RALYL: variants seen among roughly 807,000 people sequenced by gnomAD.
RALYL encodes the protein RNA-binding Raly-like protein.
Under a neutral mutation model 35.1 loss-of-function variants are expected in RALYL, and 29 were observed. That is an observed-to-expected ratio of 0.83 (90% CI 0.61 to 1.13). The LOEUF (loss-of-function observed/expected upper bound fraction) is 1.13. RALYL is among the 50% of genes most tolerant of loss of function. RALYL has a pLI of 0.00. For missense variants in RALYL, 359 were observed against 360.4 expected (o/e 1.00, Z 0.03); for synonymous variants, 120 against 127.6 (o/e 0.94, Z 0.40).
At chr8:84,217,528 A>G (rs959253412) in intron 1 of RALYL, among the ~76,000 whole-genome samples, 1 of 152,096 alleles carries the variant, frequency 6.6e-6, no homozygotes, top group African/African-American at 2.4e-5. Flanking sequence ...TGTATTTAAC[A>G]CTACAAGGTT....
At chr8:84,484,285 G>A (rs966414356) in intron 1 of RALYL, among the ~76,000 whole-genome samples, 2 of 152,030 alleles carry the variant, frequency 1.3e-5, no homozygotes, top group Non-Finnish European at 2.9e-5. Context: ...ACAGCAAGAA[G>A]GACAAACCAG....
At chr8:84,221,989 T>C (rs1225894570) in intron 1 of RALYL, among the ~76,000 whole-genome samples, 10 of 152,206 alleles carry the variant, frequency 6.6e-5, no homozygotes, top group Admixed American at 2.0e-4. Flanking sequence ...GTGTTTAGGC[T>C]TAGTATGACT....
intron 4 of RALYL, chr8:84,829,600 A>C (rs12550044): frequency 0.39 from 59,906 of 151,836 alleles, 12,285 homozygotes; most frequent in East Asian, 0.63. Flanking sequence ...TTTTGAAGGA[A>C]GATTATTTCC....
chr8:84,763,007 T>A (rs922185829), intron 2 of RALYL, among the ~76,000 whole-genome samples: 4 of 152,200 alleles, frequency 2.6e-5, no homozygotes, highest in African/African-American at 9.6e-5. Flanking sequence ...GGAAAAGATT[T>A]AAGCTAAATG....
chr8:84,288,893 A>G (rs1291154659), intron 1 of RALYL, among the ~76,000 whole-genome samples: 1 of 152,190 alleles, frequency 6.6e-6, no homozygotes, highest in African/African-American at 2.4e-5. Flanking sequence ...GTAGAAGTAC[A>G]TATTGCACTG....
At position 84,200,395 on chromosome 8, in the gene RALYL, T is replaced by C. The variant is rs1022732985; in HGVS notation, c.-24+15971T>C. Among the ~76,000 whole-genome samples, 10 of 152,134 alleles carry C rather than the reference T, an allele frequency of 6.6e-5. No individual in the cohort carries two copies. The East Asian group carries it at 1.9e-3, about 29-fold the overall frequency. ...TAAAATAGAGTTTCACAAATGTAAA[T>C]TAAAAAGTAATTTTAAGATAGAAGT... On this transcript the variant is annotated intron_variant, in intron 1 of 8. Transcript: ENST00000521268.
chr8:84,417,998 C>T (rs1032216315), intron 1 of RALYL, among the ~76,000 whole-genome samples: 4 of 152,170 alleles, frequency 2.6e-5, no homozygotes, highest in African/African-American at 9.7e-5. Flanking sequence ...AGTTGCCCAA[C>T]AGGAGATGAT....
intron 1 of RALYL, among the ~76,000 whole-genome samples, chr8:84,310,050 T>C (rs1168577384): frequency 6.6e-6 from 1 of 152,000 alleles, no homozygotes; most frequent in Non-Finnish European, 1.5e-5. Context: ...TTTTTTCTTT[T>C]TTTTTTTCTT....
At chr8:84,901,383 A>C (rs897245778) in intron 8 of RALYL, among the ~76,000 whole-genome samples, 5 of 152,202 alleles carry the variant, frequency 3.3e-5, no homozygotes, top group African/African-American at 1.2e-4. Flanking sequence ...ACCTCATGAC[A>C]GTTTTCTGAA....
chr8:84,444,100 A>G (rs2048616636), intron 1 of RALYL, among the ~76,000 whole-genome samples: 1 of 152,156 alleles, frequency 6.6e-6, no homozygotes, highest in Non-Finnish European at 1.5e-5. Context: ...ATGTCAAGGC[A>G]GGAGAATCAC....
intron 8 of RALYL, among the ~76,000 whole-genome samples, chr8:84,908,165 C>A (rs956701927): frequency 1.3e-5 from 2 of 152,212 alleles, no homozygotes; most frequent in South Asian, 4.1e-4. Flanking sequence ...TTAAATAAAG[C>A]TAATTAACAT....
At chr8:84,684,155 A>G (rs568861179) in intron 2 of RALYL, among the ~76,000 whole-genome samples, 4 of 152,314 alleles carry the variant, frequency 2.6e-5, no homozygotes, top group Non-Finnish European at 5.9e-5. Flanking sequence ...ATGAAAACAC[A>G]TCTTTTCATT....
intron 1 of RALYL, among the ~76,000 whole-genome samples, chr8:84,216,514 T>G (rs1387319110): frequency 6.6e-6 from 1 of 152,136 alleles, no homozygotes. Flanking sequence ...GTGAGCAAAT[T>G]AACATATTCA....
At chr8:84,211,188 A>G (rs951925554) in intron 1 of RALYL, among the ~76,000 whole-genome samples, 3 of 152,088 alleles carry the variant, frequency 2.0e-5, no homozygotes, top group African/African-American at 4.8e-5. Flanking sequence ...GAGATTTGAA[A>G]ATATATATCT....
intron 4 of RALYL, among the ~76,000 whole-genome samples, chr8:84,822,362 C>T (rs1431670214): frequency 6.6e-6 from 1 of 152,108 alleles, no homozygotes; most frequent in Admixed American, 6.6e-5. Context: ...AGCATTCATT[C>T]CTAATTAATT....
intron 1 of RALYL, among the ~76,000 whole-genome samples, chr8:84,520,751 G>T (rs926407837): frequency 2.0e-5 from 3 of 152,078 alleles, no homozygotes; most frequent in African/African-American, 7.2e-5. Context: ...TGCTCCTTAC[G>T]AGAATCTAAC....
intron 4 of RALYL, chr8:84,828,675 A>C (rs1563693136): frequency 5.3e-6 from 1 of 188,376 alleles, no homozygotes; most frequent in Non-Finnish European, 1.2e-5. Flanking sequence ...GAGTAATCTT[A>C]TAACAGTTCA....
intron 4 of RALYL, among the ~76,000 whole-genome samples, chr8:84,842,183 G>A (rs570993209): frequency 0.013 from 2,021 of 152,116 alleles, 46 homozygotes; most frequent in African/African-American, 0.046. Context: ...CCAGGAGCTG[G>A]TTTTTTGAAA....
intron 1 of RALYL, among the ~76,000 whole-genome samples, chr8:84,383,370 T>G (rs1858424549): frequency 6.6e-6 from 1 of 151,590 alleles, no homozygotes; most frequent in Admixed American, 6.6e-5. Flanking sequence ...AAGAAATATT[T>G]GCAACAAATA....
Sources: gnomAD v4.1 joint callset for allele counts (sites outside exome capture counted in the v4.1 genomes callset) on GRCh38, gnomAD v4.1.1 for gene constraint, MANE v1.5 for transcripts, NCBI Gene and HGNC (gene_info 2026-07-23, HGNC 2026-07-21) for gene names.